The following FGB variants were observed in gnomAD, a reference collection of about 807,000 sequenced individuals.
The protein encoded by FGB is fibrinogen beta chain, also known as beta-fibrinogen.
In FGB, 25 loss-of-function variants were observed where a neutral mutation model predicts 57.9. The ratio of observed to expected loss-of-function variants is 0.43; its 90% CI spans 0.31 to 0.60. FGB has a LOEUF of 0.60. FGB is among the 20% of genes least tolerant of loss of function. The pLI is 0.08. For synonymous variants in FGB, 203 were observed against 199.2 expected, an observed-to-expected ratio of 1.02 and a Z score of -0.16; for missense variants, 536 against 598.4, an observed-to-expected ratio of 0.90 and a Z score of 1.09.
intron 5 of FGB, among the ~76,000 whole-genome samples, chr4:154,568,787 C>T (rs1730286562): frequency 6.6e-6 from 1 of 150,450 alleles, no homozygotes; most frequent in Non-Finnish European, 1.5e-5. Flanking sequence ...CACCTGAGCC[C>T]ACAACCTGGA....
intron 4 of FGB, 99 bp from the exon 5 acceptor site, chr4:154,568,282 C>T (rs1730255536): frequency 1.3e-6 from 1 of 762,412 alleles, no homozygotes; most frequent in Non-Finnish European, 2.4e-6. Context: ...ATAACACACT[C>T]CTTAGTAACT....
rs772848639 is a variant in FGB at position 154,567,561 on chromosome 4, C to T, written c.491-32C>T. ...ACATTAGTTTTATGAGGCAAAAATG[C>T]TAACTATTTCTACATAATTTCATTT... On this transcript the variant is annotated intron_variant, in intron 3 of 7. Coordinates refer to ENST00000302068, the MANE Select transcript of FGB (RefSeq NM_005141.5). 13 of 1,387,454 alleles carry T rather than the reference C, an allele frequency of 9.4e-6. No individual in the cohort carries two copies. The African/African-American group carries it at 1.3e-4, about 14-fold the overall frequency. The allele number at this position is 1,387,454 out of a possible 1,614,324, so 85.9% of individuals were successfully genotyped here. A position where few individuals can be genotyped will look rare whatever the true frequency, so the allele number is the denominator to read the frequency against.
chr4:154,570,613 T>A lies in FGB; in HGVS notation c.1439T>A (p.Met480Lys). 3 of 1,614,054 alleles carry A rather than the reference T, an allele frequency of 1.9e-6. No homozygotes were observed. The highest frequency in any genetic ancestry group is 2.5e-6 in the Non-Finnish European group (3 of 1,179,968). The change falls in exon 8 of 8, where the codon ATG becomes AAG. Residue 480 changes from methionine (M) to lysine (K), a missense_variant. Physicochemically the swap from Met to Lys is moderately conservative, Grantham distance 95. Coordinates refer to ENST00000302068, the MANE Select transcript of FGB (RefSeq NM_005141.5). ...WKGSWYSMRK[M>K]SMKIRPFFPQ... The stretch of plus-strand genomic sequence containing the variant: ...GGGTCATGGTACTCAATGAGGAAGA[T>A]GAGTATGAAGATCAGGCCCTTCTTC...
chr4:154,568,815 G>A (rs1470478170), intron 5 of FGB, among the ~76,000 whole-genome samples: 1 of 150,588 alleles, frequency 6.6e-6, no homozygotes, highest in Non-Finnish European at 1.5e-5. Flanking sequence ...TCATGCTACT[G>A]AACTGTAGCC....
chr4:154,565,949 G>A lies in FGB; in HGVS notation c.256G>A (p.Glu86Lys). ...AGCAGCTGCCACTCAAAAGAAAGTAGAAAGAAAAGCCCCTGATGCTGGAGG... is the reference window on the plus strand; with the variant it reads ...AGCAGCTGCCACTCAAAAGAAAGTAAAAAGAAAAGCCCCTGATGCTGGAGG... Reference protein sequence around the residue: ...AKAAATQKKVERKAPDAGGCL... With the variant: ...AKAAATQKKVKRKAPDAGGCL... Residue 86 changes from glutamate (E) to lysine (K), a missense_variant, in exon 2 of 8, where the codon GAA becomes AAA. Glu to Lys is a moderately conservative substitution (Grantham distance 56, BLOSUM62 1). Coordinates refer to ENST00000302068, the MANE Select transcript of FGB (RefSeq NM_005141.5). The A allele has an allele frequency of 1.2e-6, 2 of 1,614,042 alleles. No individual in the cohort carries two copies. The highest frequency in any genetic ancestry group is 2.2e-5 in the South Asian group (2 of 91,074).
In FGB at chr4:154,571,632, G is replaced by A. The variant is rs1030820568; in HGVS notation, c.*982G>A. The stretch of plus-strand genomic sequence containing the variant: ...AAATAGGGAGCAGAATATGCCTGTT[G>A]CCCATAGAAACGAGGTCTATTCTTG... On this transcript the variant is annotated 3_prime_UTR_variant, in exon 8 of 8. Transcript: ENST00000302068. Among the ~76,000 whole-genome samples the A allele has an allele frequency of 1.3e-5, 2 of 152,138 alleles. No individual in the cohort carries two copies. Among genetic ancestry groups the A allele is most frequent in the African/African-American group, 4.8e-5 (2 of 41,422 alleles).
chr4:154,567,639 C>T lies in FGB; in HGVS notation c.537C>T (p.His179=), dbSNP rs1730214879. 1.2e-6 allele frequency: 2 copies of T among 1,612,660 alleles called. No homozygotes were observed. Among genetic ancestry groups the T allele is most frequent in the Non-Finnish European group, 1.7e-6 (2 of 1,178,748 alleles). Residue 179 remains histidine, a synonymous_variant, in exon 4 of 8, where the codon CAC becomes CAT. Coordinates refer to ENST00000302068, the MANE Select transcript of FGB (RefSeq NM_005141.5). ...VNEYSSELEK[H]QLYIDETVNS... is the part of the protein sequence containing the mutation. ...AGTACTCCTCAGAACTGGAAAAGCA[C>T]CAATTATATATAGATGAGACTGTGA...
At position 154,567,756 on chromosome 4, in the gene FGB, T is replaced by G. The variant is rs749194615; in HGVS notation, c.654T>G (p.Ala218=). 1 of 1,614,142 alleles carries G rather than the reference T, an allele frequency of 6.2e-7. No homozygotes were observed. Among genetic ancestry groups the G allele is most frequent in the Non-Finnish European group, 8.5e-7 (1 of 1,180,026 alleles). The part of the protein sequence containing the change: ...KIQKLESDVS[A]QMEYCRTPCT... ...AAAAGTTAGAATCTGATGTCTCAGC[T>G]CAAATGGAATATTGTCGCACCCCAT... The change falls in exon 4 of 8, where the codon GCT becomes GCG. Residue 218 remains alanine (A), a synonymous_variant. Transcript: ENST00000302068.
intron 1 of FGB, among the ~76,000 whole-genome samples, chr4:154,564,458 T>C (rs1417209351): frequency 6.6e-6 from 1 of 152,114 alleles, no homozygotes; most frequent in Non-Finnish European, 1.5e-5. Flanking sequence ...ACTAGGACCA[T>C]GACTTCAATG....
chr4:154,567,529 G>A, intron 3 of FGB, 64 bp from the exon 4 acceptor site: 1 of 979,620 alleles, frequency 1.0e-6, no homozygotes, highest in Middle Eastern at 2.1e-4. Context: ...AAATTGTATA[G>A]TTAAATACAT....
In FGB at chr4:154,572,393, G is replaced by C. The variant is rs1730464723; in HGVS notation, c.*1743G>C. Among the ~76,000 whole-genome samples the C allele has an allele frequency of 1.3e-5, 2 of 152,112 alleles. No homozygotes were observed. Among genetic ancestry groups the C allele is most frequent in the African/African-American group, 4.8e-5 (2 of 41,414 alleles). ...TTATTTAGGACTTAAATACAGATGT[G>C]GTCCAGTGGCAGTGGGCTGGACAGG... On this transcript the variant is annotated 3_prime_UTR_variant, in exon 8 of 8. Transcript: ENST00000302068.
chr4:154,570,697 G>C lies in FGB; in HGVS notation c.*47G>C. The stretch of plus-strand genomic sequence containing the variant: ...CTCTTCTGTATGTGACAACATTTTT[G>C]TACATTATGTTATTGGAATTTTCTT... On this transcript the variant is annotated 3_prime_UTR_variant, in exon 8 of 8. Transcript: ENST00000302068. The C allele has an allele frequency of 7.1e-7, 1 of 1,401,388 alleles. No individual in the cohort carries two copies. The highest frequency in any genetic ancestry group is 1.0e-6 in the Non-Finnish European group (1 of 989,338). The allele number at this position is 1,401,388 out of a possible 1,614,324, so 86.8% of individuals were successfully genotyped here. A position where few individuals can be genotyped will look rare whatever the true frequency, so the allele number is the denominator to read the frequency against.
rs756304323 is a variant in FGB at position 154,563,049 on chromosome 4, A to G, written c.31A>G (p.Lys11Glu). The G allele has an allele frequency of 8.3e-6, 13 of 1,568,258 alleles. No homozygotes were observed. The South Asian group carries it at 9.4e-5, about 11-fold the overall frequency. Reference sequence around the variant, plus strand: ...AAGGATGGTTTCTTGGAGCTTCCACAAACTTAAAACCATGAAACATCTATT... The same window carrying G: ...AAGGATGGTTTCTTGGAGCTTCCACGAACTTAAAACCATGAAACATCTATT... MKRMVSWSFH[K>E]LKTMKHLLLL... Residue 11 changes from lysine (K) to glutamate (E), a missense_variant, in exon 1 of 8, where the codon AAA becomes GAA. Physicochemically the swap from Lys to Glu is moderately conservative, Grantham distance 56. Around this residue, in one of 3 missense-constraint regions of FGB, gnomAD observed 354 missense variants for 383.4 expected, o/e 0.92. Coordinates refer to ENST00000302068, the MANE Select transcript of FGB (RefSeq NM_005141.5).
chr4:154,569,684 G>A lies in FGB; in HGVS notation c.1129G>A (p.Gly377Arg). Residue 377 changes from glycine to arginine, a missense_variant, in exon 7 of 8, where the codon GGA (glycine) becomes AGA (arginine). Gly to Arg is a moderately radical substitution (Grantham distance 125, BLOSUM62 -2). This residue lies in a region of FGB where 177 missense variants were observed against 193.7 expected (regional missense o/e 0.91). Coordinates refer to ENST00000302068, the MANE Select transcript of FGB (RefSeq NM_005141.5). ...KYQISVNKYR[G>R]TAGNALMDGA... ...CCAGATCTCAGTGAACAAATACAGA[G>A]GAACAGCCGGTAATGCCCTCATGGA... The A allele has an allele frequency of 1.2e-6, 2 of 1,614,072 alleles. No individual in the cohort carries two copies. The highest frequency in any genetic ancestry group is 1.7e-6 in the Non-Finnish European group (2 of 1,179,996).
rs528133324 is a variant in FGB at position 154,571,881 on chromosome 4, T to C, written c.*1231T>C. Among the ~76,000 whole-genome samples, 17 of 152,260 alleles carry C rather than the reference T, an allele frequency of 1.1e-4. 1 individual carries two copies. Among genetic ancestry groups the C allele is most frequent in the African/African-American group, 3.6e-4 (15 of 41,550 alleles). On this transcript the variant is annotated 3_prime_UTR_variant, in exon 8 of 8. Transcript: ENST00000302068. ...TTCTTAAGCTTATCCTCTTAATCTTTTCATGTAAGCAAAGCTCATTAATTT... is the reference window on the plus strand; with the variant it reads ...TTCTTAAGCTTATCCTCTTAATCTTCTCATGTAAGCAAAGCTCATTAATTT...
intron 7 of FGB, 105 bp downstream of exon 7, chr4:154,569,904 T>G: frequency 8.2e-7 from 1 of 1,219,106 alleles, no homozygotes. Flanking sequence ...GCACTTACTG[T>G]CAGCCACTGT....
chr4:154,568,683 A>C (rs868157957), intron 5 of FGB, among the ~76,000 whole-genome samples, 189 bp downstream of exon 5: 75 of 44,590 alleles, frequency 1.7e-3, no homozygotes, highest in African/African-American at 6.3e-3. Flanking sequence ...CTAACTCTAC[A>C]AAAAAAAAAA....
rs576561480 is a variant in FGB, at chr4:154,564,854, A to G, written c.115-954A>G. On this transcript the variant is annotated intron_variant, in intron 1 of 7. Transcript: ENST00000302068. ...CATTATCCTTTAATATAATATTTTAAGTTAGCAAGTAATTTTAATTACAAT... is the reference window on the plus strand; with the variant it reads ...CATTATCCTTTAATATAATATTTTAGGTTAGCAAGTAATTTTAATTACAAT... 1.2e-3 allele frequency among the ~76,000 whole-genome samples: 189 copies of G among 152,324 alleles called. 1 individual carries two copies. The highest frequency in any genetic ancestry group is 0.011 in the South Asian group (55 of 4,830).
chr4:154,567,758 A>G lies in FGB; in HGVS notation c.656A>G (p.Gln219Arg), dbSNP rs778766319. Residue 219 changes from glutamine to arginine, a missense_variant, in exon 4 of 8, where the codon CAA becomes CGA. This residue lies in a region of FGB where 354 missense variants were observed against 383.4 expected (regional missense o/e 0.92). Transcript: ENST00000302068. Reference sequence around the variant, plus strand: ...AAGTTAGAATCTGATGTCTCAGCTCAAATGGAATATTGTCGCACCCCATGC... The same window carrying G: ...AAGTTAGAATCTGATGTCTCAGCTCGAATGGAATATTGTCGCACCCCATGC... ...IQKLESDVSA[Q>R]MEYCRTPCTV... 8.7e-6 allele frequency: 14 copies of G among 1,614,080 alleles called. No individual in the cohort carries two copies. Among genetic ancestry groups the G allele is most frequent in the Non-Finnish European group, 1.2e-5 (14 of 1,180,046 alleles).
Sources: gnomAD v4.1 joint callset for allele counts (sites outside exome capture counted in the v4.1 genomes callset) on GRCh38, gnomAD v4.1.1 for gene constraint, gnomAD v4.1.1 regional missense constraint, MANE v1.5 for transcripts, NCBI Gene and HGNC (gene_info 2026-07-23, HGNC 2026-07-21) for gene names.